Variants in FANCC observed in about 807,000 individuals in gnomAD.
FANCC encodes Fanconi anemia group C protein.
Under a neutral mutation model 71.3 loss-of-function variants are expected in FANCC, and 55 were observed. The ratio of observed to expected loss-of-function variants is 0.77; its 90% CI spans 0.62 to 0.97. FANCC has a LOEUF of 0.97. FANCC is among the 50% of genes least tolerant of loss of function. FANCC has a pLI of 0.00. For missense variants in FANCC, 678 were observed against 670.9 expected, an observed-to-expected ratio of 1.01 and a Z score of -0.12; for synonymous variants, 275 against 244.9, an observed-to-expected ratio of 1.12 and a Z score of -1.15.
Position 95,218,228 on chromosome 9 carries a change from G to A in FANCC, c.345+22421C>T, listed in dbSNP as rs559692613. Among the ~76,000 whole-genome samples, 22 of 152,336 alleles carry A rather than the reference G, an allele frequency of 1.4e-4. No individual in the cohort carries two copies. In the South Asian group the frequency reaches 4.6e-3, roughly 32 times the overall value. On this transcript the variant is annotated intron_variant, in intron 4 of 14. Transcript: ENST00000289081. ...GCCTGTTATCCTAGCACTTTGGGAG[G>A]CTAAGGTGGGAGAATCGCTTGAGAC...
intron 7 of FANCC, among the ~76,000 whole-genome samples, chr9:95,142,873 C>T (rs1388917734): frequency 6.6e-6 from 1 of 152,106 alleles, no homozygotes; most frequent in Admixed American, 6.6e-5. Flanking sequence ...GGATTTTCTT[C>T]CTCCACACAA....
intron 4 of FANCC, among the ~76,000 whole-genome samples, chr9:95,199,052 G>A (rs2135790531): frequency 6.6e-6 from 1 of 152,210 alleles, no homozygotes; most frequent in Admixed American, 6.5e-5. Context: ...TGTAGTAAAG[G>A]CAATATATGA....
chr9:95,281,234 C>T (rs1474079822), intron 1 of FANCC, among the ~76,000 whole-genome samples: 1 of 151,920 alleles, frequency 6.6e-6, no homozygotes, highest in African/African-American at 2.4e-5. Flanking sequence ...TAACACTACC[C>T]CACAACATAT....
At chr9:95,111,413 C>G (rs2071919207) in intron 13 of FANCC, 50 bp downstream of exon 13, 1 of 1,599,600 alleles carries the variant, frequency 6.3e-7, no homozygotes, top group Admixed American at 1.7e-5. Flanking sequence ...AAGCTCCTCT[C>G]AGCCCCCCAG....
chr9:95,101,317 G>C lies in FANCC; in HGVS notation c.*390C>G, dbSNP rs911566667. ...CTAAGTTCTCTCTAAATTCTTTAAT[G>C]GTTCATGACCAAATTCTTGGTTCTA... On this transcript the variant is annotated 3_prime_UTR_variant, in exon 15 of 15. Transcript: ENST00000289081. 3.0e-6 allele frequency: 1 copy of C among 338,418 alleles called. No homozygotes were observed. The highest frequency in any genetic ancestry group is 4.4e-5 in the Admixed American group (1 of 22,850). The allele number at this position is 338,418 out of a possible 1,614,324, so 21.0% of individuals were successfully genotyped here.
intron 4 of FANCC, among the ~76,000 whole-genome samples, chr9:95,175,411 G>A (rs1825951902): frequency 6.6e-6 from 1 of 152,200 alleles, no homozygotes; most frequent in Non-Finnish European, 1.5e-5. Flanking sequence ...GAGTTAGAGT[G>A]AACCTTGCTT....
Position 95,150,053 on chromosome 9 carries a change from C to T in FANCC, c.556G>A (p.Val186Ile), listed in dbSNP as rs730881713. The change falls in exon 7 of 15, where the codon GTT becomes ATT. Residue 186 changes from valine (V) to isoleucine (I), a missense_variant. By Grantham distance (29) the Val-to-Ile change is conservative. Transcript: ENST00000289081. The stretch of plus-strand genomic sequence containing the variant: ...GTCAGGGTAATAAGTGGGACACAAA[C>T]TCGTGACAGGGACGCCACTCGCTCG... ...APERVASLSRVCVPLITLTDV... is the reference protein window; with the variant it reads ...APERVASLSRICVPLITLTDV... 2.5e-6 allele frequency: 4 copies of T among 1,614,100 alleles called. No individual in the cohort carries two copies. Among genetic ancestry groups the T allele is most frequent in the Admixed American group, 1.7e-5 (1 of 60,014 alleles).
intron 6 of FANCC, among the ~76,000 whole-genome samples, chr9:95,152,318 C>A (rs1233291197): frequency 6.6e-6 from 1 of 152,136 alleles, no homozygotes; most frequent in Non-Finnish European, 1.5e-5. Flanking sequence ...GAGTGTCATG[C>A]TGAAAAGTAA....
chr9:95,149,276 G>T (rs947239322), intron 7 of FANCC, among the ~76,000 whole-genome samples: 1 of 152,014 alleles, frequency 6.6e-6, no homozygotes, highest in African/African-American at 2.4e-5. Context: ...AACAATAGTC[G>T]CTGGGGCCTA....
intron 10 of FANCC, among the ~76,000 whole-genome samples, chr9:95,118,513 C>A (rs764722216): frequency 2.0e-5 from 3 of 152,222 alleles, no homozygotes; most frequent in Non-Finnish European, 4.4e-5. Flanking sequence ...GTGACCACCA[C>A]CCCAGTGAAG....
chr9:95,117,278 A>G, intron 11 of FANCC, 37 bp downstream of exon 11: 1 of 1,585,388 alleles, frequency 6.3e-7, no homozygotes, highest in Admixed American at 1.7e-5. Context: ...CTTCCCAGGA[A>G]ATCATTCTGA....
intron 8 of FANCC, among the ~76,000 whole-genome samples, chr9:95,127,664 G>A (rs1247810279): frequency 6.6e-6 from 1 of 152,218 alleles, no homozygotes; most frequent in Non-Finnish European, 1.5e-5. Context: ...TCAAGTCAGA[G>A]TGCATTTGAT....
intron 4 of FANCC, among the ~76,000 whole-genome samples, chr9:95,214,551 C>T (rs1373067201): frequency 6.6e-6 from 1 of 152,180 alleles, no homozygotes; most frequent in Non-Finnish European, 1.5e-5. Flanking sequence ...TATTTGTACA[C>T]CCATGTTCCC....
At chr9:95,303,225 A>G (rs1834861366) in intron 1 of FANCC, among the ~76,000 whole-genome samples, 1 of 152,210 alleles carries the variant, frequency 6.6e-6, no homozygotes, top group Admixed American at 6.5e-5. Flanking sequence ...TTTAATTTTA[A>G]TTAATGTAAA....
Position 95,107,068 on chromosome 9 carries a change from G to A in FANCC, c.1531C>T (p.Leu511=), listed in dbSNP as rs1588028784. The A allele has an allele frequency of 6.2e-7, 1 of 1,614,182 alleles. No homozygotes were observed. The highest frequency in any genetic ancestry group is 8.5e-7 in the Non-Finnish European group (1 of 1,180,000). The change falls in exon 14 of 15, where the codon CTG becomes TTG. Residue 511 remains leucine, a splice_region_variant and synonymous_variant. Coordinates refer to ENST00000289081, the MANE Select transcript of FANCC (RefSeq NM_000136.3). Reference sequence around the variant, plus strand: ...TGCTGGACCACAGGGAGACTTACCAGGGTGATGACATCCCAGGCGATCGTG... The same window carrying A: ...TGCTGGACCACAGGGAGACTTACCAAGGTGATGACATCCCAGGCGATCGTG... ...GHTIAWDVIT[L]MAHTAEITHE...
intron 4 of FANCC, among the ~76,000 whole-genome samples, chr9:95,202,289 G>A (rs556361002): frequency 6.6e-6 from 1 of 152,348 alleles, no homozygotes; most frequent in Non-Finnish European, 1.5e-5. Context: ...AGGGAACTGG[G>A]CTTAACGGGG....
chr9:95,102,915 G>C (rs1262318997), intron 14 of FANCC, among the ~76,000 whole-genome samples: 1 of 152,164 alleles, frequency 6.6e-6, no homozygotes, highest in African/African-American at 2.4e-5. Flanking sequence ...CCTGCAACGA[G>C]CCCGCCAGGG....
intron 1 of FANCC, among the ~76,000 whole-genome samples, chr9:95,264,677 G>A (rs1396565243): frequency 1.3e-5 from 2 of 151,980 alleles, no homozygotes; most frequent in Non-Finnish European, 2.9e-5. Flanking sequence ...GGAGATGTAT[G>A]GAGAGAATGC....
chr9:95,280,357 T>C (rs1276006685), intron 1 of FANCC, among the ~76,000 whole-genome samples: 3 of 152,100 alleles, frequency 2.0e-5, no homozygotes, highest in Admixed American at 1.3e-4. Flanking sequence ...TTTTCAGTGA[T>C]AGATAAAACA....
Sources: allele counts gnomAD v4.1 joint callset (sites outside exome capture counted in the v4.1 genomes callset), GRCh38; gene constraint gnomAD v4.1.1; transcripts MANE v1.5; gene names NCBI Gene and HGNC (gene_info 2026-07-23, HGNC 2026-07-21).